TAX1BP1: variants seen among roughly 807,000 people sequenced by gnomAD.
TAX1BP1 encodes tax1-binding protein 1.
TAX1BP1 carries 62 observed loss-of-function variants against 97.7 expected under a neutral mutation model. That is an observed-to-expected ratio of 0.63 (90% CI 0.52 to 0.78). The LOEUF (loss-of-function observed/expected upper bound fraction) is 0.78. Ranked by LOEUF, TAX1BP1 falls within the 30% of genes least tolerant of loss-of-function variation. TAX1BP1 has a pLI of 0.00. For missense variants in TAX1BP1, 867 were observed against 916.1 expected, an observed-to-expected ratio of 0.95 and a Z score of 0.69; for synonymous variants, 340 against 304.2, an observed-to-expected ratio of 1.12 and a Z score of -1.23.
At chr7:27,773,893 A>G (rs1000604743) in intron 5 of TAX1BP1, among the ~76,000 whole-genome samples, 2 of 152,078 alleles carry the variant, frequency 1.3e-5, no homozygotes, top group Admixed American at 1.3e-4. Flanking sequence ...AATTTAGCTT[A>G]TAATTTTTTT....
intron 12 of TAX1BP1, among the ~76,000 whole-genome samples, chr7:27,797,641 ATTTTT>A (rs565011436): frequency 3.4e-5 from 5 of 148,038 alleles, no homozygotes; most frequent in African/African-American, 1.2e-4. Flanking sequence ...GTTAAAATGA[ATTTTT>A]TTTTTTGCTT....
intron 1 of TAX1BP1, among the ~76,000 whole-genome samples, chr7:27,740,992 T>C (rs1393460991): frequency 6.6e-6 from 1 of 152,206 alleles, no homozygotes; most frequent in Non-Finnish European, 1.5e-5. Flanking sequence ...GTACACCTTA[T>C]TAGTAAAAAA....
intron 5 of TAX1BP1, among the ~76,000 whole-genome samples, chr7:27,773,247 A>C (rs1354883219): frequency 6.6e-6 from 1 of 152,070 alleles, no homozygotes; most frequent in Admixed American, 6.6e-5. Context: ...CTGAGGGCCA[A>C]AGATGTGAGC....
At chr7:27,795,409 G>A (rs530001104) in intron 11 of TAX1BP1, among the ~76,000 whole-genome samples, 1 of 152,208 alleles carries the variant, frequency 6.6e-6, no homozygotes, top group Admixed American at 6.5e-5. Flanking sequence ...AGAGTTTGAG[G>A]CTAGCCTGGG....
intron 15 of TAX1BP1, among the ~76,000 whole-genome samples, chr7:27,827,440 G>A (rs1370073753): frequency 6.6e-6 from 1 of 152,032 alleles, no homozygotes; most frequent in East Asian, 1.9e-4. Context: ...GTTTGAAAAG[G>A]TCTACTGTTC....
chr7:27,803,394 C>G (rs1209520095), intron 13 of TAX1BP1, among the ~76,000 whole-genome samples: 1 of 152,204 alleles, frequency 6.6e-6, no homozygotes, highest in Non-Finnish European at 1.5e-5. Flanking sequence ...AGCAAAACCT[C>G]ACATTCACAT....
intron 2 of TAX1BP1, among the ~76,000 whole-genome samples, chr7:27,757,666 C>T (rs1788275215): frequency 6.6e-6 from 1 of 151,978 alleles, no homozygotes; most frequent in South Asian, 2.1e-4. Flanking sequence ...AAATAATACT[C>T]TGTGGTCAAT....
chr7:27,819,064 TTAAAC>T (rs1201300882), intron 15 of TAX1BP1, among the ~76,000 whole-genome samples: 39 of 152,264 alleles, frequency 2.6e-4, no homozygotes, highest in Non-Finnish European at 3.5e-4. Context: ...AATTGTGACT[TTAAAC>T]GAAATGATGT....
chr7:27,775,462 T>C (rs1402632907), intron 5 of TAX1BP1, among the ~76,000 whole-genome samples: 1 of 152,156 alleles, frequency 6.6e-6, no homozygotes, highest in Non-Finnish European at 1.5e-5. Flanking sequence ...ATGGAGTTCT[T>C]TCTGATAAAT....
chr7:27,773,533 A>G (rs1788922702), intron 5 of TAX1BP1, among the ~76,000 whole-genome samples: 1 of 152,082 alleles, frequency 6.6e-6, no homozygotes, highest in Admixed American at 6.6e-5. Flanking sequence ...GACATTTCAC[A>G]TGAATGGAAT....
At chr7:27,756,484 G>T (rs545582470) in intron 2 of TAX1BP1, among the ~76,000 whole-genome samples, 3 of 152,222 alleles carry the variant, frequency 2.0e-5, no homozygotes, top group African/African-American at 7.2e-5. Context: ...TATGTGATAG[G>T]CACTGTGCTA....
chr7:27,752,141 C>T (rs1788042542), intron 2 of TAX1BP1, among the ~76,000 whole-genome samples: 1 of 152,054 alleles, frequency 6.6e-6, no homozygotes, highest in African/African-American at 2.4e-5. Context: ...TTTAGACTAT[C>T]CTAATTTTCT....
intron 5 of TAX1BP1, among the ~76,000 whole-genome samples, chr7:27,773,094 G>A (rs550932527): frequency 1.7e-4 from 26 of 152,112 alleles, no homozygotes; most frequent in Non-Finnish European, 3.4e-4. Context: ...AGCTAACTTC[G>A]TCCTGTGAAG....
chr7:27,770,150 T>C (rs1463251120), intron 5 of TAX1BP1, among the ~76,000 whole-genome samples: 1 of 152,026 alleles, frequency 6.6e-6, no homozygotes, highest in Non-Finnish European at 1.5e-5. Context: ...CAATTAGAAA[T>C]GATAAACGCT....
chr7:27,744,839 T>C (rs10486559), intron 1 of TAX1BP1, among the ~76,000 whole-genome samples: 34,615 of 152,182 alleles, frequency 0.23, 5,039 homozygotes, highest in East Asian at 0.52. Context: ...ATTTATCTTT[T>C]TTATAGACAT....
chr7:27,822,796 A>G (rs992484633), intron 15 of TAX1BP1, among the ~76,000 whole-genome samples: 1 of 152,198 alleles, frequency 6.6e-6, no homozygotes, highest in African/African-American at 2.4e-5. Context: ...TTTTAGTTTT[A>G]GTGAAGCTGA....
At chr7:27,749,684 AAT>A (rs1787953253) in intron 2 of TAX1BP1, among the ~76,000 whole-genome samples, 1 of 152,226 alleles carries the variant, frequency 6.6e-6, no homozygotes, top group African/African-American at 2.4e-5. Context: ...AATACAACAC[AAT>A]AGTTATTTAC....
intron 5 of TAX1BP1, among the ~76,000 whole-genome samples, chr7:27,781,132 C>G (rs1391443952): frequency 6.6e-6 from 1 of 152,112 alleles, no homozygotes; most frequent in Non-Finnish European, 1.5e-5. Context: ...CCCCTCCTCT[C>G]CACTCCAACC....
At chr7:27,792,331 C>T in intron 9 of TAX1BP1, 101 bp downstream of exon 9, 1 of 1,092,654 alleles carries the variant, frequency 9.2e-7, no homozygotes, top group Middle Eastern at 3.0e-4. Flanking sequence ...AGATTTCTGC[C>T]TTATTTTAAA....
Sources: gnomAD v4.1 joint callset for allele counts (sites outside exome capture counted in the v4.1 genomes callset) on GRCh38, gnomAD v4.1.1 for gene constraint, MANE v1.5 for transcripts, NCBI Gene and HGNC (gene_info 2026-07-23, HGNC 2026-07-21) for gene names.